The following LRRTM4 variants were observed in gnomAD, a reference collection of about 807,000 sequenced individuals.
The protein encoded by LRRTM4 is leucine rich repeat transmembrane neuronal 4.
Under a neutral mutation model 47.6 loss-of-function variants are expected in LRRTM4, and 25 were observed. That is an observed-to-expected ratio of 0.53 (90% confidence interval 0.38 to 0.73). The LOEUF is 0.73. LRRTM4 is among the 30% of genes least tolerant of loss of function. LRRTM4 has a pLI of 0.00. For missense variants in LRRTM4, 638 were observed against 713.4 expected (o/e 0.89, Z 1.20); for synonymous variants, 311 against 269.5 (o/e 1.15, Z -1.51).
Position 77,521,807 on chromosome 2 carries a change from G to C in LRRTM4, c.-136C>G. 1 of 645,702 alleles carries C rather than the reference G, an allele frequency of 1.5e-6. No individual in the cohort carries two copies. The highest frequency in any genetic ancestry group is 2.6e-5 in the South Asian group (1 of 38,490). The allele number at this position is 645,702 out of a possible 1,614,324, so 40.0% of individuals were successfully genotyped here. A position where few individuals can be genotyped will look rare whatever the true frequency, so the allele number is the denominator to read the frequency against. On this transcript the variant is annotated 5_prime_UTR_variant, in exon 2 of 4. Coordinates refer to ENST00000409884, the MANE Select transcript of LRRTM4 (RefSeq NM_001134745.3). ...TTCTGATCCCGCATGTGAGCTAGTAGCCCCATACAAACTTCCCCGAGAGGA... is the reference window on the plus strand; with the variant it reads ...TTCTGATCCCGCATGTGAGCTAGTACCCCCATACAAACTTCCCCGAGAGGA...
At chr2:77,230,882 G>T (rs1674943369) in intron 3 of LRRTM4, among the ~76,000 whole-genome samples, 2 of 151,968 alleles carry the variant, frequency 1.3e-5, no homozygotes, top group Admixed American at 1.3e-4. Flanking sequence ...ATTAAAAATA[G>T]ACAAATTAAT....
chr2:76,868,030 A>T (rs1159444302), intron 3 of LRRTM4, among the ~76,000 whole-genome samples: 2 of 152,146 alleles, frequency 1.3e-5, no homozygotes, highest in Non-Finnish European at 2.9e-5. Flanking sequence ...GAGTCAAGTC[A>T]GCTGTGGAGA....
chr2:77,081,790 T>A (rs761116504), intron 3 of LRRTM4, among the ~76,000 whole-genome samples: 1 of 152,214 alleles, frequency 6.6e-6, no homozygotes, highest in Non-Finnish European at 1.5e-5. Flanking sequence ...TTTCTTGCCA[T>A]GGGGTATTGC....
intron 3 of LRRTM4, among the ~76,000 whole-genome samples, chr2:76,919,736 A>T (rs1239789822): frequency 1.3e-5 from 2 of 152,170 alleles, no homozygotes; most frequent in Non-Finnish European, 2.9e-5. Context: ...CCTTTTACTC[A>T]GTTAAAGAAA....
intron 3 of LRRTM4, among the ~76,000 whole-genome samples, chr2:76,870,160 A>G (rs2104048399): frequency 6.6e-6 from 1 of 152,288 alleles, no homozygotes; most frequent in South Asian, 2.1e-4. Context: ...CTTTTATCCT[A>G]CTAAAGCCCT....
intron 3 of LRRTM4, among the ~76,000 whole-genome samples, chr2:77,231,250 C>G (rs1327602160): frequency 6.6e-6 from 1 of 151,650 alleles, no homozygotes; most frequent in East Asian, 1.9e-4. Context: ...CACACACACA[C>G]AGATGCACAC....
At chr2:77,510,705 A>G (rs1678950828) in intron 3 of LRRTM4, among the ~76,000 whole-genome samples, 3 of 152,048 alleles carry the variant, frequency 2.0e-5, no homozygotes, top group Non-Finnish European at 4.4e-5. Context: ...TCTTAAAAAT[A>G]TAGTGAATTC....
At chr2:76,808,386 CT>C (rs1670626215) in intron 3 of LRRTM4, among the ~76,000 whole-genome samples, 1 of 151,026 alleles carries the variant, frequency 6.6e-6, no homozygotes, top group Admixed American at 6.6e-5. Context: ...TCATTCATTG[CT>C]TTTTCACAAT....
chr2:77,466,025 A>G (rs1573452257), intron 3 of LRRTM4, among the ~76,000 whole-genome samples: 1 of 152,144 alleles, frequency 6.6e-6, no homozygotes, highest in South Asian at 2.1e-4. Flanking sequence ...TGCTTGTCTA[A>G]CTCTGGCCCT....
At chr2:76,869,064 A>G (rs368298410) in intron 3 of LRRTM4, among the ~76,000 whole-genome samples, 1 of 152,268 alleles carries the variant, frequency 6.6e-6, no homozygotes, top group South Asian at 2.1e-4. Flanking sequence ...TAATCCCAGC[A>G]CTTTGGGAGG....
intron 3 of LRRTM4, among the ~76,000 whole-genome samples, chr2:76,894,937 T>C (rs1405954902): frequency 1.3e-5 from 2 of 151,628 alleles, no homozygotes; most frequent in African/African-American, 4.8e-5. Context: ...AATTTATGCA[T>C]TATATTTTAT....
intron 3 of LRRTM4, among the ~76,000 whole-genome samples, chr2:76,937,125 G>C (rs1674981697): frequency 6.6e-6 from 1 of 151,946 alleles, no homozygotes; most frequent in Middle Eastern, 3.4e-3. Flanking sequence ...CTACAGTCTT[G>C]GTGATGGTAA....
chr2:77,167,192 C>T (rs1427373981), intron 3 of LRRTM4, among the ~76,000 whole-genome samples: 2 of 152,146 alleles, frequency 1.3e-5, no homozygotes, highest in Non-Finnish European at 2.9e-5. Flanking sequence ...CTAACAGACT[C>T]ATGAAAAAAT....
intron 3 of LRRTM4, among the ~76,000 whole-genome samples, chr2:77,471,852 A>C (rs964580095): frequency 1.3e-5 from 2 of 152,204 alleles, no homozygotes; most frequent in African/African-American, 2.4e-5. Flanking sequence ...TATGTTTTAC[A>C]GATGTACACA....
At chr2:76,769,631 C>G (rs1673600451) in intron 3 of LRRTM4, among the ~76,000 whole-genome samples, 1 of 152,062 alleles carries the variant, frequency 6.6e-6, no homozygotes, top group African/African-American at 2.4e-5. Context: ...TGTAATTCAC[C>G]TGACTTAGGA....
intron 3 of LRRTM4, among the ~76,000 whole-genome samples, chr2:77,214,422 G>A (rs1252928085): frequency 6.6e-6 from 1 of 152,108 alleles, no homozygotes; most frequent in Non-Finnish European, 1.5e-5. Context: ...ATGCACAGAA[G>A]GTTCACAGTA....
intron 3 of LRRTM4, among the ~76,000 whole-genome samples, chr2:76,979,925 C>T (rs1676548233): frequency 6.6e-6 from 1 of 151,868 alleles, no homozygotes; most frequent in African/African-American, 2.4e-5. Flanking sequence ...CTCTCTGATC[C>T]AAATTACCCC....
chr2:77,228,187 ATAT>A (rs927106256), intron 3 of LRRTM4, among the ~76,000 whole-genome samples: 11 of 152,142 alleles, frequency 7.2e-5, no homozygotes, highest in Non-Finnish European at 4.4e-5. Flanking sequence ...CAGAATTAAG[ATAT>A]TATTATTTGG....
chr2:77,043,972 C>T (rs1679126669), intron 3 of LRRTM4, among the ~76,000 whole-genome samples: 1 of 151,542 alleles, frequency 6.6e-6, no homozygotes, highest in South Asian at 2.1e-4. Context: ...TGCTGGTTTA[C>T]TTATTCCAGG....
Sources: allele counts gnomAD v4.1 joint callset (sites outside exome capture counted in the v4.1 genomes callset), GRCh38; gene constraint gnomAD v4.1.1; transcripts MANE v1.5; gene names NCBI Gene and HGNC (gene_info 2026-07-23, HGNC 2026-07-21).